Variants in ASIP observed in about 807,000 individuals in gnomAD.
The protein encoded by ASIP is agouti signaling protein, also known as agouti-signaling protein.
A neutral mutation model predicts 10.3 loss-of-function variants in ASIP; 11 were observed. That is an observed-to-expected ratio of 1.07 (90% CI 0.68 to 1.78). The LOEUF (loss-of-function observed/expected upper bound fraction) is 1.78. Ranked by LOEUF, ASIP falls within the 40% of genes most tolerant of loss-of-function variation. The probability of loss-of-function intolerance (pLI) is 0.00; values close to 1 mark genes in which losing one functional copy is unlikely to be tolerated. For missense variants in ASIP, 180 were observed against 169.2 expected, an observed-to-expected ratio of 1.06 and a Z score of -0.35; for synonymous variants, 70 against 70.8, an observed-to-expected ratio of 0.99 and a Z score of 0.06.
At chr20:34,253,290 T>C (rs2035510572) in intron 1 of ASIP, among the ~76,000 whole-genome samples, 1 of 151,522 alleles carries the variant, frequency 6.6e-6, no homozygotes, top group Non-Finnish European at 1.5e-5. Context: ...GTATTTTTAG[T>C]AGAGACGGGG....
intron 1 of ASIP, among the ~76,000 whole-genome samples, chr20:34,219,397 T>C (rs2035030620): frequency 6.6e-6 from 1 of 152,118 alleles, no homozygotes; most frequent in South Asian, 2.1e-4. Flanking sequence ...TTTAATTTAA[T>C]CTCCCAAAAG....
Position 34,269,115 on chromosome 20 carries a change from G to C in ASIP, c.347G>C (p.Cys116Ser). The change falls in exon 4 of 4, where the codon TGC becomes TCC. Residue 116 changes from cysteine (C) to serine (S), a missense_variant. Transcript: ENST00000374954. Reference protein sequence around the residue: ...ACCDPCASCQCRFFRSACSCR... With the variant: ...ACCDPCASCQSRFFRSACSCR... Reference sequence around the variant, plus strand: ...TGCGACCCGTGCGCCTCCTGCCAGTGCCGCTTCTTCCGCAGCGCCTGCTCC... The same window carrying C: ...TGCGACCCGTGCGCCTCCTGCCAGTCCCGCTTCTTCCGCAGCGCCTGCTCC... 6.4e-7 allele frequency: 1 copy of C among 1,562,858 alleles called. No individual in the cohort carries two copies. The highest frequency in any genetic ancestry group is 8.7e-7 in the Non-Finnish European group (1 of 1,154,164).
intron 1 of ASIP, among the ~76,000 whole-genome samples, chr20:34,252,487 A>G (rs2035493142): frequency 6.6e-6 from 1 of 152,182 alleles, no homozygotes; most frequent in South Asian, 2.1e-4. Context: ...AGAGTAACAG[A>G]GCAGTATTGT....
chr20:34,267,459 C>CTCA (rs1375406613), intron 3 of ASIP, among the ~76,000 whole-genome samples: 11 of 46,284 alleles, frequency 2.4e-4, no homozygotes, highest in African/African-American at 8.1e-4. Context: ...AACTGGCTCT[C>CTCA]AAAAAAAAAA....
At chr20:34,218,686 A>AT (rs796481214) in intron 1 of ASIP, among the ~76,000 whole-genome samples, 4,588 of 145,326 alleles carry the variant, frequency 0.032, 211 homozygotes, top group African/African-American at 0.1. Context: ...CTTTTCAGCA[A>AT]TTTTTTTTTT....
intron 1 of ASIP, among the ~76,000 whole-genome samples, chr20:34,210,759 G>C (rs935747734): frequency 6.6e-6 from 1 of 152,218 alleles, no homozygotes; most frequent in African/African-American, 2.4e-5. Flanking sequence ...TCCTTGTCTT[G>C]TTCCAGATGT....
At chr20:34,198,533 C>T (rs1199852311) in intron 1 of ASIP, among the ~76,000 whole-genome samples, 1 of 152,152 alleles carries the variant, frequency 6.6e-6, no homozygotes, top group Admixed American at 6.5e-5. Context: ...GTCACCCAGG[C>T]TGGAGTGCAG....
At chr20:34,249,608 A>C (rs893089047) in intron 1 of ASIP, among the ~76,000 whole-genome samples, 5 of 151,982 alleles carry the variant, frequency 3.3e-5, no homozygotes, top group African/African-American at 1.2e-4. Flanking sequence ...CTCTCCTGTC[A>C]CCATCTCTTA....
At chr20:34,248,531 G>A (rs944438416) in intron 1 of ASIP, among the ~76,000 whole-genome samples, 5 of 152,048 alleles carry the variant, frequency 3.3e-5, no homozygotes, top group Non-Finnish European at 5.9e-5. Flanking sequence ...GGTCAGGCAC[G>A]ATGGCTCACG....
chr20:34,251,635 T>C (rs533729447), intron 1 of ASIP, among the ~76,000 whole-genome samples: 2 of 152,306 alleles, frequency 1.3e-5, no homozygotes, highest in South Asian at 4.1e-4. Flanking sequence ...GAATTGGAAA[T>C]GAGGAATTTG....
At chr20:34,213,473 A>C in intron 1 of ASIP, 2 of 1,292,686 alleles carry the variant, frequency 1.5e-6, no homozygotes, top group East Asian at 2.3e-5. Context: ...ACAGTTTTGA[A>C]GTGAACACTG....
chr20:34,191,167 G>T (rs1487800110), upstream of ASIP, among the ~76,000 whole-genome samples: 1 of 152,166 alleles, frequency 6.6e-6, no homozygotes, highest in Non-Finnish European at 1.5e-5. Flanking sequence ...CATACAGGTG[G>T]TGGAAATGTC....
At chr20:34,253,130 C>T (rs2035507410) in intron 1 of ASIP, among the ~76,000 whole-genome samples, 1 of 150,004 alleles carries the variant, frequency 6.7e-6, no homozygotes, top group South Asian at 2.1e-4. Flanking sequence ...TTTTTTTAGA[C>T]GAAGTCTCGC....
chr20:34,268,855 G>T, intron 3 of ASIP, 136 bp from the exon 4 acceptor site: 1 of 1,039,182 alleles, frequency 9.6e-7, no homozygotes, highest in Non-Finnish European at 1.4e-6. Context: ...CTGGGGGAGC[G>T]GGCGGTGGGC....
chr20:34,188,206 GA>G, the ASIP span, among the ~76,000 whole-genome samples: 2 of 152,344 alleles, frequency 1.3e-5, no homozygotes, highest in East Asian at 3.9e-4. Flanking sequence ...CAAGATGGTA[GA>G]GCATTTACAC....
intron 2 of ASIP, among the ~76,000 whole-genome samples, chr20:34,262,259 T>C (rs891760458): frequency 5.3e-5 from 8 of 152,236 alleles, no homozygotes; most frequent in African/African-American, 1.9e-4. Context: ...AAGACAATAC[T>C]GCAAGGCAGA....
intron 1 of ASIP, among the ~76,000 whole-genome samples, chr20:34,249,071 A>G (rs1414212424): frequency 6.6e-6 from 1 of 151,330 alleles, no homozygotes; most frequent in African/African-American, 2.4e-5. Context: ...AGAGGTTACA[A>G]TGAGCTGAGA....
At chr20:34,266,106 C>G (rs2035779879) in intron 3 of ASIP, among the ~76,000 whole-genome samples, 1 of 152,060 alleles carries the variant, frequency 6.6e-6, no homozygotes, top group Admixed American at 6.6e-5. Flanking sequence ...ATAATCCCAG[C>G]ACTTTGGGAG....
In ASIP at chr20:34,233,495, A is replaced by G. The variant is rs138469055; in HGVS notation, c.-10-26870A>G. ...TTTTGCTAAGTGAAGGAAGCCAGCC[A>G]CAAAGACTACATACTGTAGGATGGT... On this transcript the variant is annotated intron_variant, in intron 1 of 3. Coordinates refer to the ASIP transcript ENST00000568305. Among the ~76,000 whole-genome samples the G allele has an allele frequency of 2.1e-3, 323 of 152,316 alleles. 1 individual carries two copies. The highest frequency in any genetic ancestry group is 7.5e-3 in the African/African-American group (312 of 41,572).
Sources: allele counts gnomAD v4.1 joint callset (sites outside exome capture counted in the v4.1 genomes callset), GRCh38; gene constraint gnomAD v4.1.1; transcripts MANE v1.5; gene names NCBI Gene and HGNC (gene_info 2026-07-23, HGNC 2026-07-21).